ANAPC1: variants seen among roughly 807,000 people sequenced by gnomAD.
ANAPC1 encodes the protein anaphase promoting complex subunit 1, also known as anaphase-promoting complex subunit 1.
ANAPC1 carries 36 observed loss-of-function variants against 208.0 expected under a neutral mutation model. The ratio of observed to expected loss-of-function variants is 0.17; its 90% CI spans 0.13 to 0.23. The LOEUF is 0.23. ANAPC1 is among the 10% of genes least tolerant of loss of function. The pLI is 1.00. For synonymous variants in ANAPC1, 378 were observed against 695.2 expected (o/e 0.54, Z 7.18); for missense variants, 942 against 2,011.6 (o/e 0.47, Z 10.17).
chr2:111,840,724 T>C (rs1680716348), intron 17 of ANAPC1, among the ~76,000 whole-genome samples: 2 of 152,174 alleles, frequency 1.3e-5, no homozygotes, highest in Non-Finnish European at 2.9e-5. Context: ...TTGGGGATAA[T>C]GTCACTCGGA....
At chr2:111,853,501 T>C (rs1484341579) in intron 13 of ANAPC1, among the ~76,000 whole-genome samples, 2 of 152,122 alleles carry the variant, frequency 1.3e-5, no homozygotes, top group Non-Finnish European at 2.9e-5. Flanking sequence ...CTTGGCAATT[T>C]AGTCACATCT....
chr2:111,857,056 A>G, intron 11 of ANAPC1, 170 bp from the exon 12 acceptor site: 1 of 571,766 alleles, frequency 1.7e-6, no homozygotes, highest in Non-Finnish European at 3.1e-6. Flanking sequence ...AGTGGTTACC[A>G]GGATCAGTGG....
chr2:111,873,049 A>T (rs1225125919), intron 5 of ANAPC1: 6 of 464,536 alleles, frequency 1.3e-5, no homozygotes, highest in African/African-American at 4.0e-5. Context: ...ATTTAATATA[A>T]CCAAAAGTTC....
chr2:111,868,895 A>G (rs914352157), intron 6 of ANAPC1, among the ~76,000 whole-genome samples: 2 of 152,188 alleles, frequency 1.3e-5, no homozygotes, highest in African/African-American at 4.8e-5. Flanking sequence ...CTTTCAAAGC[A>G]TAAAGAGATG....
Position 111,834,729 on chromosome 2 carries a change from T to C in ANAPC1, c.2259A>G (p.Thr753=), listed in dbSNP as rs1210867662. Residue 753 remains threonine (T), a synonymous_variant, in exon 19 of 48, where the codon ACA becomes ACG. Transcript: ENST00000341068. ...TTGCAGGTATGTGAGTAAAGAGAAGTGTAGAAGAATCCAGACTGAGATTCT... is the reference window on the plus strand; with the variant it reads ...TTGCAGGTATGTGAGTAAAGAGAAGCGTAGAAGAATCCAGACTGAGATTCT... ...FSQNLSLDSS[T]LLFTHIPAIF... is the part of the protein sequence containing the mutation. The C allele has an allele frequency of 8.7e-6, 14 of 1,613,284 alleles. No individual in the cohort carries two copies. The highest frequency in any genetic ancestry group is 1.3e-5 in the African/African-American group (1 of 74,794).
At chr2:111,829,483 C>T (rs1680013713) in intron 21 of ANAPC1, among the ~76,000 whole-genome samples, 1 of 152,022 alleles carries the variant, frequency 6.6e-6, no homozygotes, top group African/African-American at 2.4e-5. Flanking sequence ...TGGGAAGACC[C>T]CACCTGGAAA....
intron 13 of ANAPC1, 92 bp from the exon 14 acceptor site, chr2:111,851,002 C>T: frequency 1.4e-6 from 2 of 1,411,990 alleles, no homozygotes; most frequent in Non-Finnish European, 1.9e-6. Context: ...ACATATATTT[C>T]TTTTGATATT....
chr2:111,874,556 CATA>C lies in ANAPC1; in HGVS notation c.376-895_376-893del, dbSNP rs975123695. On this transcript the variant is annotated intron_variant, in intron 3 of 47. Coordinates refer to ENST00000341068, the MANE Select transcript of ANAPC1 (RefSeq NM_022662.4). ...TTTATATCTATTTTATTTCACTTAA[CATA>C]ATGTTTTCAAGGTTCATCCATGTTA... is the stretch of plus-strand genomic sequence containing the variant. Among the ~76,000 whole-genome samples the C allele has an allele frequency of 4.6e-5, 7 of 152,064 alleles. No homozygotes were observed. In the East Asian group the frequency reaches 5.8e-4, roughly 13 times the overall value.
At chr2:111,858,756 C>T (rs1323441959) in intron 10 of ANAPC1, among the ~76,000 whole-genome samples, 2 of 130,272 alleles carry the variant, frequency 1.5e-5, no homozygotes, top group East Asian at 2.2e-4. Context: ...AGCCAGACTC[C>T]GTCTCAAAAA....
intron 21 of ANAPC1, among the ~76,000 whole-genome samples, chr2:111,827,398 T>C (rs1005053731): frequency 1.3e-5 from 2 of 152,152 alleles, no homozygotes; most frequent in Non-Finnish European, 2.9e-5. Flanking sequence ...TTCCTTCCTT[T>C]CCCTCATTTC....
At chr2:111,868,616 C>T (rs34432308) in intron 6 of ANAPC1, among the ~76,000 whole-genome samples, 26,317 of 152,200 alleles carry the variant, frequency 0.17, 2,779 homozygotes, top group Middle Eastern at 0.3. Context: ...CTACAACCTC[C>T]ACCTCCCACG....
At chr2:111,825,887 T>G (rs1357959796) in intron 21 of ANAPC1, 32 bp from the exon 22 acceptor site, 1 of 1,599,116 alleles carries the variant, frequency 6.3e-7, no homozygotes, top group Non-Finnish European at 8.5e-7. Context: ...ATTATTTTTC[T>G]CTTTTCAGAG....
chr2:111,808,533 GC>G (rs1678811750), intron 29 of ANAPC1, among the ~76,000 whole-genome samples: 1 of 151,906 alleles, frequency 6.6e-6, no homozygotes, highest in Non-Finnish European at 1.5e-5. Flanking sequence ...TATTGGAAGT[GC>G]TGTTATCCAA....
intron 16 of ANAPC1, among the ~76,000 whole-genome samples, chr2:111,843,820 C>CTTT (rs369036574): frequency 0.096 from 8,289 of 86,600 alleles, 1,003 homozygotes; most frequent in South Asian, 0.22. Context: ...CTGAAGACAG[C>CTTT]TTTTTTTTTT....
rs74502368 is a variant in ANAPC1, at chr2:111,774,762, T to C, written c.5584+2097A>G. On this transcript the variant is annotated intron_variant, in intron 46 of 47. Coordinates refer to ENST00000341068, the MANE Select transcript of ANAPC1 (RefSeq NM_022662.4). ...CAATTTGGAAAATTGAGTGTGGCAA[T>C]GGGTGAAGGTACAAATGACGCAAAA... Among the ~76,000 whole-genome samples, 306 of 61,244 alleles carry C rather than the reference T, an allele frequency of 5.0e-3. 2 individuals are homozygous for C. The highest frequency in any genetic ancestry group is 0.019 in the African/African-American group (289 of 15,022). The allele number at this position is 61,244 out of a possible 152,430, so 40.2% of individuals were successfully genotyped here.
In ANAPC1 at chr2:111,825,790, G is replaced by A. The variant is rs1345448539; in HGVS notation, c.2691C>T (p.Thr897=). The A allele has an allele frequency of 1.2e-6, 2 of 1,613,580 alleles. No homozygotes were observed. Among genetic ancestry groups the A allele is most frequent in the Admixed American group, 3.3e-5 (2 of 60,002 alleles). The change falls in exon 22 of 48, where the codon ACC becomes ACT. Residue 897 remains threonine, a synonymous_variant. Coordinates refer to ENST00000341068, the MANE Select transcript of ANAPC1 (RefSeq NM_022662.4). ...LVSDESSQYL[T]RITIAPQKLQ... is the part of the protein sequence containing the mutation. ...GCACCAACTTACCTATAGTTATTCT[G>A]GTTAAATACTGTGAGGATTCATCAG... is the stretch of plus-strand genomic sequence containing the variant.
intron 29 of ANAPC1, among the ~76,000 whole-genome samples, chr2:111,806,746 C>A (rs1678696421): frequency 6.6e-6 from 1 of 151,742 alleles, no homozygotes; most frequent in Non-Finnish European, 1.5e-5. Context: ...AGAAGTCTGA[C>A]TGGATACAAA....
At chr2:111,837,518 G>A (rs1212986749) in intron 18 of ANAPC1, among the ~76,000 whole-genome samples, 1 of 152,070 alleles carries the variant, frequency 6.6e-6, no homozygotes, top group African/African-American at 2.4e-5. Context: ...TATTCAGGAG[G>A]TTGAGGCAGG....
chr2:111,784,053 A>T, intron 41 of ANAPC1, 89 bp from the exon 42 acceptor site: 1 of 842,796 alleles, frequency 1.2e-6, no homozygotes, highest in South Asian at 1.5e-5. Context: ...AGAGGAAACA[A>T]TAACAGCCAG....
Sources: allele counts gnomAD v4.1 joint callset (sites outside exome capture counted in the v4.1 genomes callset), GRCh38; gene constraint gnomAD v4.1.1; transcripts MANE v1.5; gene names NCBI Gene and HGNC (gene_info 2026-07-23, HGNC 2026-07-21).